PLAC1: variants seen among roughly 807,000 people sequenced by gnomAD.
PLAC1 encodes placenta associated 1.
For missense variants in PLAC1, 136 were observed against 163.2 expected (o/e 0.83, Z 0.91); for synonymous variants, 68 against 62.1 (o/e 1.09, Z -0.44).
At chrX:134,648,780 G>A (rs760455664) in intron 1 of PLAC1, among the ~76,000 whole-genome samples, 14 of 111,809 alleles carry the variant, frequency 1.3e-4, no homozygotes, top group Admixed American at 1.1e-3. Flanking sequence ...GGCTGCTCTG[G>A]TTAAAGTGGG....
At chrX:134,707,427 T>C (rs930076154) in intron 2 of PLAC1, among the ~76,000 whole-genome samples, 1 of 112,255 alleles carries the variant, frequency 8.9e-6, no homozygotes, top group Admixed American at 9.4e-5. Context: ...TTACATTAGG[T>C]ATTTCTCCTA....
In PLAC1 at chrX:134,610,242, CT is replaced by C. The variant is rs751383524; in HGVS notation, c.-130-8121del. Reference sequence around the variant, plus strand: ...CTACCTGCCTTGGCCTCCCAAAGTGCTGGGATTACAGGCGTGAGCCACCGCA... The same window carrying C: ...CTACCTGCCTTGGCCTCCCAAAGTGCGGGATTACAGGCGTGAGCCACCGCA... On this transcript the variant is annotated intron_variant, in intron 1 of 2. Transcript: ENST00000359237. Among the ~76,000 whole-genome samples, 5 of 111,721 alleles carry C rather than the reference CT, an allele frequency of 4.5e-5. No individual in the cohort carries two copies. In the East Asian group the frequency reaches 1.4e-3, roughly 32 times the overall value.
At chrX:134,656,401 C>A (rs2078391834) in intron 1 of PLAC1, among the ~76,000 whole-genome samples, 1 of 111,039 alleles carries the variant, frequency 9.0e-6, no homozygotes. Flanking sequence ...GAGCTCCCAC[C>A]TTTTCTAGGG....
At chrX:134,695,291 G>A (rs2078558698) in intron 2 of PLAC1, among the ~76,000 whole-genome samples, 1 of 111,669 alleles carries the variant, frequency 9.0e-6, no homozygotes, top group Non-Finnish European at 1.9e-5. Flanking sequence ...CCTTTATTTG[G>A]CTGTGCTGGG....
chrX:134,589,922 G>A (rs9792790), intron 2 of PLAC1, among the ~76,000 whole-genome samples: 22,977 of 110,483 alleles, frequency 0.21, 2,210 homozygotes, highest in South Asian at 0.42. Flanking sequence ...TGGGCCGGGC[G>A]CGGTGGCTCA....
intron 2 of PLAC1, among the ~76,000 whole-genome samples, chrX:134,729,685 T>C (rs1002935578): frequency 5.3e-5 from 6 of 112,202 alleles, no homozygotes; most frequent in Admixed American, 3.8e-4. Context: ...ACTGTTGGGG[T>C]TCTTGTCCCC....
At chrX:134,654,335 G>A (rs2078377881) in intron 1 of PLAC1, among the ~76,000 whole-genome samples, 1 of 112,283 alleles carries the variant, frequency 8.9e-6, no homozygotes, top group South Asian at 3.7e-4. Context: ...TGGAAAGCTT[G>A]TTAGACAAAT....
At chrX:134,716,541 G>A (rs1315080958) in intron 2 of PLAC1, among the ~76,000 whole-genome samples, 3 of 112,389 alleles carry the variant, frequency 2.7e-5, no homozygotes, top group Non-Finnish European at 3.8e-5. Flanking sequence ...TACTCCCTGT[G>A]TTTAGGCGTG....
chrX:134,574,490 A>G (rs2077927291), intron 2 of PLAC1, among the ~76,000 whole-genome samples: 1 of 111,694 alleles, frequency 9.0e-6, no homozygotes, highest in Non-Finnish European at 1.9e-5. Flanking sequence ...TAGAGAGTAC[A>G]GAGTCCTAAC....
chrX:134,670,881 C>A (rs5975472), intron 2 of PLAC1, among the ~76,000 whole-genome samples: 1,399 of 112,248 alleles, frequency 0.012, 22 homozygotes, highest in African/African-American at 0.043. Context: ...AGTTCCCAGC[C>A]CCAATTCAAC....
In PLAC1 at chrX:134,744,781, C is replaced by T. The variant is rs114359226; in HGVS notation, n.90-11262G>A. ...TGGTTATTATTATTTTTGCAGTTTG[C>T]TATTTTTGTACTACCAGCCTGGGTT... is the stretch of plus-strand genomic sequence containing the variant. On this transcript the variant is annotated intron_variant and non_coding_transcript_variant, in intron 1 of 2. Transcript: ENST00000466797. Among the ~76,000 whole-genome samples, 753 of 111,752 alleles carry T rather than the reference C, an allele frequency of 6.7e-3. 6 individuals carry two copies. The highest frequency in any genetic ancestry group is 0.024 in the African/African-American group (738 of 30,744).
At chrX:134,729,683 G>T (rs1031546570) in intron 2 of PLAC1, among the ~76,000 whole-genome samples, 2 of 111,957 alleles carry the variant, frequency 1.8e-5, no homozygotes, top group Non-Finnish European at 3.8e-5. Context: ...CCACTGTTGG[G>T]GTTCTTGTCC....
At position 134,688,882 on chromosome X, in the gene PLAC1, T is replaced by G. The variant is rs955710151; in HGVS notation, n.174+44553A>C. ...CTTGGAAACTACCTTTACTTGGATG[T>G]TTCTTTACCACCTCCAACTCTTTAT... On this transcript the variant is annotated intron_variant and non_coding_transcript_variant, in intron 2 of 2. Transcript: ENST00000466797. Among the ~76,000 whole-genome samples, 3 of 111,931 alleles carry G rather than the reference T, an allele frequency of 2.7e-5. No homozygotes were observed. The East Asian group carries it at 8.5e-4, about 32-fold the overall frequency.
chrX:134,723,357 G>C (rs1375865144), intron 2 of PLAC1, among the ~76,000 whole-genome samples: 3 of 107,040 alleles, frequency 2.8e-5, no homozygotes, highest in African/African-American at 1.0e-4. Flanking sequence ...ACCCAGGCTG[G>C]AGTGCAGTGG....
At chrX:134,611,380 T>C (rs1349683023) in intron 1 of PLAC1, among the ~76,000 whole-genome samples, 1 of 109,272 alleles carries the variant, frequency 9.2e-6, no homozygotes, top group African/African-American at 3.3e-5. Context: ...GGCCTATTTT[T>C]AAATCTGTGC....
chrX:134,566,058 T>C lies in PLAC1; in HGVS notation c.625A>G (p.Ile209Val), dbSNP rs201391908. The stretch of plus-strand genomic sequence containing the variant: ...AAACCTGAGGATCACATGGACCCAA[T>C]CATATCATCTGTGTGAAGAGACCAA... ...EDWSLHTDDMIGSM is the reference protein window; with the variant it reads ...EDWSLHTDDMVGSM The change falls in exon 3 of 3, where the codon ATT (isoleucine) becomes GTT (valine). Residue 209 changes from isoleucine to valine, a missense_variant. Transcript: ENST00000359237. 8.3e-7 allele frequency: 1 copy of C among 1,208,866 alleles called. No individual in the cohort carries two copies. Among genetic ancestry groups the C allele is most frequent in the Non-Finnish European group, 1.1e-6 (1 of 893,186 alleles).
chrX:134,608,679 CTTTT>C (rs61216654), intron 1 of PLAC1, among the ~76,000 whole-genome samples: 72 of 90,017 alleles, frequency 8.0e-4, no homozygotes, highest in African/African-American at 1.0e-3. Flanking sequence ...TTTCTTTTTT[CTTTT>C]TTTTTTTTTT....
At chrX:134,683,777 G>A (rs1001682936) in intron 2 of PLAC1, among the ~76,000 whole-genome samples, 22 of 111,993 alleles carry the variant, frequency 2.0e-4, no homozygotes, top group Admixed American at 7.5e-4. Context: ...GTCTGCTTCC[G>A]GAGCTGCCAC....
chrX:134,596,012 G>C (rs945636215), intron 2 of PLAC1, among the ~76,000 whole-genome samples: 2 of 111,204 alleles, frequency 1.8e-5, no homozygotes, highest in African/African-American at 6.5e-5. Context: ...GTATATCTTT[G>C]TATAGATTCT....
Sources: allele counts gnomAD v4.1 joint callset (sites outside exome capture counted in the v4.1 genomes callset), GRCh38; gene constraint gnomAD v4.1.1; transcripts MANE v1.5; gene names NCBI Gene and HGNC (gene_info 2026-07-23, HGNC 2026-07-21).